WDR41: variants seen among roughly 807,000 people sequenced by gnomAD.
WDR41 encodes WD repeat domain 41, also known as WD repeat-containing protein 41.
A neutral mutation model predicts 69.3 loss-of-function variants in WDR41; 63 were observed. The observed-to-expected ratio is 0.91, with a 90% CI of 0.74 to 1.12. The LOEUF is 1.12. WDR41 is among the 50% of genes most tolerant of loss of function. The pLI, the probability that WDR41 is intolerant of heterozygous loss-of-function variation, is 0.00. For synonymous variants in WDR41, 185 were observed against 192.1 expected, an observed-to-expected ratio of 0.96 and a Z score of 0.31; for missense variants, 543 against 534.5, an observed-to-expected ratio of 1.02 and a Z score of -0.16.
At chr5:77,489,339 TA>T in intron 2 of WDR41, 117 bp downstream of exon 2, 1 of 525,854 alleles carries the variant, frequency 1.9e-6, no homozygotes, top group Non-Finnish European at 3.2e-6. Context: ...TAAATGTTAC[TA>T]ATGATCACAG....
chr5:77,478,727 T>A (rs1316212241), intron 2 of WDR41, among the ~76,000 whole-genome samples: 1 of 151,276 alleles, frequency 6.6e-6, no homozygotes, highest in Admixed American at 6.6e-5. Flanking sequence ...TCATACTGAA[T>A]GGGCAAAAAC....
intron 1 of WDR41, among the ~76,000 whole-genome samples, chr5:77,608,516 G>C (rs1744473331): frequency 6.6e-6 from 1 of 152,178 alleles, no homozygotes; most frequent in African/African-American, 2.4e-5. Context: ...AAAAAAACCA[G>C]CTTCTTCATC....
chr5:77,465,458 T>C (rs576176017), intron 2 of WDR41, among the ~76,000 whole-genome samples: 1 of 152,194 alleles, frequency 6.6e-6, no homozygotes, highest in East Asian at 1.9e-4. Context: ...ACAGGGACAA[T>C]CACCAAATTC....
intron 1 of WDR41, among the ~76,000 whole-genome samples, chr5:77,578,914 C>G (rs1005454461): frequency 2.0e-5 from 3 of 148,484 alleles, no homozygotes; most frequent in African/African-American, 7.4e-5. Context: ...ATCATAGTGT[C>G]TCCTCAAATA....
chr5:77,571,322 A>G lies in WDR41; in HGVS notation c.42+49157T>C, dbSNP rs903273869. On this transcript the variant is annotated intron_variant, in intron 1 of 5. Transcript: ENST00000509971. The stretch of plus-strand genomic sequence containing the variant: ...CATCAGCAAGCAGCCCTAAAGAGGT[A>G]TAGAACACAAACTTCTACACTGAGT... Among the ~76,000 whole-genome samples the G allele has an allele frequency of 2.0e-5, 3 of 152,262 alleles. 1 individual carries two copies. Among genetic ancestry groups the G allele is most frequent in the Admixed American group, 1.3e-4 (2 of 15,278 alleles).
At chr5:77,590,350 C>G (rs1051624281) in intron 1 of WDR41, among the ~76,000 whole-genome samples, 9 of 152,100 alleles carry the variant, frequency 5.9e-5, no homozygotes, top group Non-Finnish European at 1.2e-4. Flanking sequence ...GCATATAACA[C>G]CCAACAGGAT....
At chr5:77,619,016 A>G (rs1301353287) in intron 1 of WDR41, among the ~76,000 whole-genome samples, 2 of 152,208 alleles carry the variant, frequency 1.3e-5, no homozygotes, top group South Asian at 2.1e-4. Context: ...CTCCCTTTCT[A>G]CACCTTGATA....
At chr5:77,476,094 A>C (rs1053349352) in intron 2 of WDR41, among the ~76,000 whole-genome samples, 7 of 149,944 alleles carry the variant, frequency 4.7e-5, no homozygotes, top group Non-Finnish European at 7.4e-5. Flanking sequence ...GAAATGAATG[A>C]AATGAAGCGA....
At chr5:77,505,611 G>C (rs1018965139) in intron 1 of WDR41, among the ~76,000 whole-genome samples, 1 of 152,246 alleles carries the variant, frequency 6.6e-6, no homozygotes, top group East Asian at 1.9e-4. Flanking sequence ...AAAGCTGGAG[G>C]CATCATGCTA....
chr5:77,525,618 G>C (rs1191152689), intron 1 of WDR41, among the ~76,000 whole-genome samples: 1 of 152,152 alleles, frequency 6.6e-6, no homozygotes, highest in Non-Finnish European at 1.5e-5. Context: ...TGATCCCTCA[G>C]CCCTCTTCCT....
chr5:77,513,871 G>C (rs941723698), intron 1 of WDR41, among the ~76,000 whole-genome samples: 1 of 152,096 alleles, frequency 6.6e-6, no homozygotes, highest in African/African-American at 2.4e-5. Context: ...TCAACTTGGA[G>C]TAGACAAATT....
chr5:77,615,929 G>T (rs1193706352), intron 1 of WDR41, among the ~76,000 whole-genome samples: 1 of 151,980 alleles, frequency 6.6e-6, no homozygotes, highest in Non-Finnish European at 1.5e-5. Context: ...GGAGGCAGAG[G>T]TTGCAGTGAG....
chr5:77,582,898 A>G, intron 1 of WDR41: 1 of 1,608,300 alleles, frequency 6.2e-7, no homozygotes, highest in Non-Finnish European at 8.5e-7. Flanking sequence ...TAACGCTTTG[A>G]TTGCTCGATC....
intron 10 of WDR41, among the ~76,000 whole-genome samples, chr5:77,437,666 TGCCCTTGGGAAAACAGTGTGAA>T (rs1480564798): frequency 6.6e-6 from 1 of 152,214 alleles, no homozygotes; most frequent in African/African-American, 2.4e-5. Flanking sequence ...TTTAAAAAAA[TGCCCTTGGGAAAACAGTGTGAA>T]TTATACTTCA....
At chr5:77,441,240 T>C (rs1324389562) in intron 8 of WDR41, among the ~76,000 whole-genome samples, 1 of 152,186 alleles carries the variant, frequency 6.6e-6, no homozygotes, top group Non-Finnish European at 1.5e-5. Context: ...TACCTCATGC[T>C]GGAATATCTG....
chr5:77,445,719 T>G (rs1799354584), intron 8 of WDR41, among the ~76,000 whole-genome samples: 1 of 152,132 alleles, frequency 6.6e-6, no homozygotes, highest in African/African-American at 2.4e-5. Context: ...CGATAAAATT[T>G]AACATCCTTT....
intron 2 of WDR41, among the ~76,000 whole-genome samples, chr5:77,475,848 A>C (rs181836884): frequency 1.2e-3 from 184 of 152,330 alleles, no homozygotes; most frequent in Non-Finnish European, 2.1e-3. Flanking sequence ...TGAGAGAAGA[A>C]GGCTTCAGAC....
chr5:77,461,507 G>C (rs405498), intron 4 of WDR41, among the ~76,000 whole-genome samples: 76,395 of 151,694 alleles, frequency 0.5, 19,974 homozygotes, highest in African/African-American at 0.64. Context: ...ATGCTTGAAA[G>C]TGTTTACACA....
At chr5:77,574,801 A>C (rs1428490794) in intron 1 of WDR41, among the ~76,000 whole-genome samples, 1 of 152,114 alleles carries the variant, frequency 6.6e-6, no homozygotes, top group Non-Finnish European at 1.5e-5. Context: ...ATACAACCCA[A>C]CATTTCCATG....
Sources: allele counts gnomAD v4.1 joint callset (sites outside exome capture counted in the v4.1 genomes callset), GRCh38; gene constraint gnomAD v4.1.1; transcripts MANE v1.5; gene names NCBI Gene and HGNC (gene_info 2026-07-23, HGNC 2026-07-21).